The following EPC1 variants were observed in gnomAD, a reference collection of about 807,000 sequenced individuals.
EPC1 encodes the protein enhancer of polycomb 1, also known as enhancer of polycomb homolog 1.
A neutral mutation model predicts 98.4 loss-of-function variants in EPC1; 12 were observed. That is an observed-to-expected ratio of 0.12 (90% CI 0.08 to 0.20). The LOEUF (loss-of-function observed/expected upper bound fraction) is 0.20. EPC1 is among the 10% of genes least tolerant of loss of function. The pLI, the probability that EPC1 is intolerant of heterozygous loss-of-function variation, is 1.00. For synonymous variants in EPC1, 357 were observed against 363.9 expected (o/e 0.98, Z 0.21); for missense variants, 729 against 990.5 (o/e 0.74, Z 3.54).
chr10:32,272,290 T>C, intron 11 of EPC1, 123 bp from the exon 12 acceptor site: 2 of 743,136 alleles, frequency 2.7e-6, no homozygotes, highest in East Asian at 2.8e-5. Context: ...CTGAAATCTT[T>C]CTATTTTGGT....
chr10:32,319,900 A>C (rs1836790220), intron 1 of EPC1, among the ~76,000 whole-genome samples: 1 of 152,130 alleles, frequency 6.6e-6, no homozygotes, highest in Non-Finnish European at 1.5e-5. Flanking sequence ...GCTGGTCTCG[A>C]ACTCCTGACC....
chr10:32,324,180 G>A (rs1017733950), intron 1 of EPC1, among the ~76,000 whole-genome samples: 1 of 151,760 alleles, frequency 6.6e-6, no homozygotes. Context: ...CTCGTGATCC[G>A]CCCACCTCAG....
intron 1 of EPC1, among the ~76,000 whole-genome samples, chr10:32,343,835 C>G (rs1296374567): frequency 6.6e-6 from 1 of 152,214 alleles, no homozygotes; most frequent in South Asian, 2.1e-4. Context: ...GTTAAAAGAC[C>G]TGGATTTCTG....
At chr10:32,316,853 T>C (rs1353251962) in intron 1 of EPC1, among the ~76,000 whole-genome samples, 5 of 152,220 alleles carry the variant, frequency 3.3e-5, no homozygotes, top group Admixed American at 3.3e-4. Context: ...ATGAATGATA[T>C]GCATACTGAA....
chr10:32,377,796 A>C (rs1334270288), intron 1 of EPC1, among the ~76,000 whole-genome samples: 1 of 152,088 alleles, frequency 6.6e-6, no homozygotes, highest in African/African-American at 2.4e-5. Flanking sequence ...AAGATCTCCC[A>C]CCGTGTGCAA....
intron 1 of EPC1, among the ~76,000 whole-genome samples, chr10:32,324,271 T>C (rs1837125061): frequency 6.7e-6 from 1 of 150,320 alleles, no homozygotes; most frequent in Non-Finnish European, 1.5e-5. Context: ...TAATAGTTAC[T>C]CTAGGCTGGG....
At chr10:32,356,770 G>A (rs1034285754) in intron 1 of EPC1, among the ~76,000 whole-genome samples, 20 of 152,094 alleles carry the variant, frequency 1.3e-4, no homozygotes, top group Admixed American at 8.5e-4. Context: ...GGATCACGGG[G>A]TCAGGAGATC....
chr10:32,341,997 C>T (rs1222699027), intron 1 of EPC1, among the ~76,000 whole-genome samples: 1 of 152,228 alleles, frequency 6.6e-6, no homozygotes, highest in Non-Finnish European at 1.5e-5. Context: ...TCCACATAAT[C>T]CTCAGAACCC....
chr10:32,322,368 C>T (rs917681014), intron 1 of EPC1, among the ~76,000 whole-genome samples: 16 of 152,002 alleles, frequency 1.1e-4, no homozygotes, highest in South Asian at 2.1e-4. Flanking sequence ...AATGAGTTTA[C>T]TTATAAGGAA....
chr10:32,305,330 A>G (rs1835812568), intron 2 of EPC1, among the ~76,000 whole-genome samples: 1 of 152,226 alleles, frequency 6.6e-6, no homozygotes, highest in African/African-American at 2.4e-5. Flanking sequence ...CTGATTTTGC[A>G]CTGCAACAGC....
intron 1 of EPC1, among the ~76,000 whole-genome samples, chr10:32,322,552 A>T (rs1340395170): frequency 6.6e-6 from 1 of 152,218 alleles, no homozygotes; most frequent in Admixed American, 6.5e-5. Context: ...AAAATAACAG[A>T]TTTATCTATG....
chr10:32,339,460 G>A lies in EPC1; in HGVS notation c.153+7303C>T, dbSNP rs542833598. Among the ~76,000 whole-genome samples, 4 of 152,094 alleles carry A rather than the reference G, an allele frequency of 2.6e-5. No homozygotes were observed. The East Asian group carries it at 5.8e-4, about 22-fold the overall frequency. On this transcript the variant is annotated intron_variant, in intron 1 of 13. Transcript: ENST00000319778. ...CTCAGGAGGCTGAGGCACGAGAATC[G>A]CTTGAATCTGGGAGGTGGAGGTGGC...
At chr10:32,339,838 A>G (rs965657003) in intron 1 of EPC1, among the ~76,000 whole-genome samples, 7 of 152,208 alleles carry the variant, frequency 4.6e-5, no homozygotes, top group African/African-American at 1.7e-4. Context: ...CAGAGACTAA[A>G]GTTCTTTCAG....
At chr10:32,311,207 G>T (rs1836203947) in intron 1 of EPC1, among the ~76,000 whole-genome samples, 1 of 152,008 alleles carries the variant, frequency 6.6e-6, no homozygotes, top group African/African-American at 2.4e-5. Context: ...CAGCTACTAG[G>T]GAGGCTGAGG....
chr10:32,348,103 T>C (rs978714910), upstream of EPC1, among the ~76,000 whole-genome samples: 10 of 152,332 alleles, frequency 6.6e-5, no homozygotes, highest in African/African-American at 2.2e-4. Flanking sequence ...GGGTTCACAC[T>C]TTCATCATTT....
intron 11 of EPC1, 169 bp from the exon 12 acceptor site, chr10:32,272,336 T>C (rs1406038242): frequency 1.3e-5 from 7 of 554,846 alleles, no homozygotes; most frequent in Admixed American, 3.7e-5. Context: ...TCTCTTTTGA[T>C]AGTCATATAT....
At chr10:32,290,774 T>G (rs1367134319) in intron 6 of EPC1, among the ~76,000 whole-genome samples, 1 of 151,842 alleles carries the variant, frequency 6.6e-6, no homozygotes, top group Non-Finnish European at 1.5e-5. Flanking sequence ...GTATTTTTCT[T>G]TTTTTATCTT....
chr10:32,307,667 T>C (rs1210745495), intron 1 of EPC1, among the ~76,000 whole-genome samples: 1 of 152,234 alleles, frequency 6.6e-6, no homozygotes, highest in South Asian at 2.1e-4. Context: ...CAGCAAGTTC[T>C]ATCTTCTACT....
chr10:32,346,639 G>A (rs542001971), intron 1 of EPC1, 124 bp downstream of exon 1: 14 of 998,568 alleles, frequency 1.4e-5, no homozygotes, highest in Admixed American at 2.2e-5. Flanking sequence ...CCCGGCCGGC[G>A]ACTGAGAGTC....
Sources: gnomAD v4.1 joint callset for allele counts (sites outside exome capture counted in the v4.1 genomes callset) on GRCh38, gnomAD v4.1.1 for gene constraint, MANE v1.5 for transcripts, NCBI Gene and HGNC (gene_info 2026-07-23, HGNC 2026-07-21) for gene names.